DCC: variants seen among roughly 807,000 people sequenced by gnomAD.
DCC encodes DCC netrin 1 receptor.
Under a neutral mutation model 172.5 loss-of-function variants are expected in DCC, and 58 were observed. The ratio of observed to expected loss-of-function variants is 0.34; its 90% confidence interval spans 0.27 to 0.42. The LOEUF is 0.42. Ranked by LOEUF, DCC falls within the 10% of genes least tolerant of loss-of-function variation. The pLI, the probability that DCC is intolerant of heterozygous loss-of-function variation, is 1.00. For synonymous variants in DCC, 709 were observed against 644.5 expected (o/e 1.10, Z -1.52); for missense variants, 1,740 against 1,791.0 (o/e 0.97, Z 0.51).
At chr18:52,463,751 A>G (rs1367648722) in intron 1 of DCC, among the ~76,000 whole-genome samples, 1 of 152,178 alleles carries the variant, frequency 6.6e-6, no homozygotes, top group African/African-American at 2.4e-5. Context: ...ATATAACAAA[A>G]ACAGAGGAAG....
chr18:53,350,269 C>T (rs1020064870), intron 15 of DCC, among the ~76,000 whole-genome samples: 11 of 152,120 alleles, frequency 7.2e-5, no homozygotes, highest in South Asian at 2.1e-4. Context: ...AAAGATGTAT[C>T]GGGAATTAAG....
chr18:52,644,501 C>A (rs2034972379), intron 1 of DCC, among the ~76,000 whole-genome samples: 1 of 150,668 alleles, frequency 6.6e-6, no homozygotes, highest in Admixed American at 6.6e-5. Flanking sequence ...ATGGCATGAA[C>A]CTGGGAGGCG....
In DCC at chr18:52,820,918, G is replaced by A. The variant is rs553623740; in HGVS notation, c.412+68544G>A. 9.4e-4 allele frequency among the ~76,000 whole-genome samples: 143 copies of A among 152,168 alleles called. 1 individual carries two copies. The highest frequency in any genetic ancestry group is 3.4e-3 in the African/African-American group (140 of 41,512). On this transcript the variant is annotated intron_variant, in intron 2 of 28. Coordinates refer to ENST00000442544, the MANE Select transcript of DCC (RefSeq NM_005215.4). ...GAACAGCCTATTCTCCACCTTCCCT[G>A]AACTCTGAACAGCTGAACTCACCTG...
intron 1 of DCC, among the ~76,000 whole-genome samples, chr18:52,720,997 T>C (rs1329864608): frequency 6.6e-6 from 1 of 152,158 alleles, no homozygotes; most frequent in African/African-American, 2.4e-5. Context: ...GGATACCTAG[T>C]GTTACGTGCG....
At chr18:53,530,460 C>T (rs1451322029) in intron 28 of DCC, 104 bp from the exon 29 acceptor site, 4 of 774,616 alleles carry the variant, frequency 5.2e-6, no homozygotes, top group Non-Finnish European at 9.5e-6. Flanking sequence ...TCTCCTAGGT[C>T]AGACTTGGGA....
chr18:52,547,147 C>T (rs10153433), intron 1 of DCC, among the ~76,000 whole-genome samples: 54,095 of 152,076 alleles, frequency 0.36, 10,158 homozygotes, highest in Non-Finnish European at 0.42. Context: ...TTTATGCTGA[C>T]GTGACTATAA....
intron 7 of DCC, among the ~76,000 whole-genome samples, chr18:53,120,350 A>T (rs549254249): frequency 6.6e-6 from 1 of 151,852 alleles, no homozygotes; most frequent in East Asian, 1.9e-4. Flanking sequence ...TGTTATTTTT[A>T]TTTGGCATAG....
chr18:53,094,026 G>T (rs1377819529), intron 7 of DCC, among the ~76,000 whole-genome samples: 1 of 152,152 alleles, frequency 6.6e-6, no homozygotes, highest in Non-Finnish European at 1.5e-5. Context: ...GTCACCCACA[G>T]AATTATAAAT....
intron 5 of DCC, among the ~76,000 whole-genome samples, chr18:52,993,719 C>T (rs1164092366): frequency 6.6e-6 from 1 of 152,048 alleles, no homozygotes; most frequent in Non-Finnish European, 1.5e-5. Context: ...TTCCTGGGTG[C>T]ATATTTCTGC....
rs113946338 is a variant in DCC, at chr18:52,654,181, G to A, written c.92-97873G>A. ...ATTAATTCTTGCTAATGAAGCCCTT[G>A]ATAGGTATTGTGGCCTGGAGAAACA... On this transcript the variant is annotated intron_variant, in intron 1 of 28. Coordinates refer to ENST00000442544, the MANE Select transcript of DCC (RefSeq NM_005215.4). Among the ~76,000 whole-genome samples, 120 of 152,254 alleles carry A rather than the reference G, an allele frequency of 7.9e-4. 1 individual carries two copies. Among genetic ancestry groups the A allele is most frequent in the African/African-American group, 2.8e-3 (115 of 41,556 alleles).
intron 24 of DCC, among the ~76,000 whole-genome samples, chr18:53,464,353 A>C (rs1323984875): frequency 1.3e-5 from 2 of 152,226 alleles, no homozygotes; most frequent in East Asian, 1.9e-4. Context: ...AATAACATCT[A>C]TAAAAGAGCT....
At chr18:52,925,820 T>G (rs577677544) in intron 5 of DCC, among the ~76,000 whole-genome samples, 1 of 151,762 alleles carries the variant, frequency 6.6e-6, no homozygotes, top group East Asian at 1.9e-4. Context: ...ATACTGTGAG[T>G]GTTGAAAGTG....
chr18:52,633,769 A>G (rs548694386), intron 1 of DCC, among the ~76,000 whole-genome samples: 1 of 152,332 alleles, frequency 6.6e-6, no homozygotes, highest in Admixed American at 6.5e-5. Flanking sequence ...ACACTGTAAC[A>G]GAGACAGGAG....
chr18:53,089,140 C>T (rs2042964938), intron 7 of DCC, among the ~76,000 whole-genome samples: 1 of 152,126 alleles, frequency 6.6e-6, no homozygotes, highest in Admixed American at 6.5e-5. Flanking sequence ...GGCTGGAGTG[C>T]AGTGGTGTGA....
At position 52,741,588 on chromosome 18, in the gene DCC, C is replaced by A. The variant is rs117023544; in HGVS notation, c.92-10466C>A. ...GATGAAATTGTTCCTCCATTGACAA[C>A]TACTACTTTAAAACATAAATTGGAC... On this transcript the variant is annotated intron_variant, in intron 1 of 28. Coordinates refer to ENST00000442544, the MANE Select transcript of DCC (RefSeq NM_005215.4). Among the ~76,000 whole-genome samples, 18 of 152,282 alleles carry A rather than the reference C, an allele frequency of 1.2e-4. No individual in the cohort carries two copies. In the East Asian group the frequency reaches 3.3e-3, roughly 28 times the overall value.
At chr18:53,138,885 T>C (rs1171910180) in intron 7 of DCC, among the ~76,000 whole-genome samples, 1 of 152,182 alleles carries the variant, frequency 6.6e-6, no homozygotes, top group Non-Finnish European at 1.5e-5. Context: ...TATACAATAC[T>C]TAGCACGCAA....
intron 28 of DCC, 90 bp from the exon 29 acceptor site, chr18:53,530,474 C>T (rs760723297): frequency 3.6e-5 from 29 of 803,380 alleles, no homozygotes; most frequent in Non-Finnish European, 5.4e-5. Context: ...CTTGGGAATA[C>T]GTAGCACCCC....
At chr18:52,800,867 C>A (rs186924291) in intron 2 of DCC, among the ~76,000 whole-genome samples, 1 of 152,286 alleles carries the variant, frequency 6.6e-6, no homozygotes, top group African/African-American at 2.4e-5. Context: ...TCATAATTCA[C>A]TGGGTAATTC....
intron 27 of DCC, among the ~76,000 whole-genome samples, chr18:53,509,024 A>G (rs1387353004): frequency 3.3e-5 from 5 of 152,128 alleles, no homozygotes; most frequent in Non-Finnish European, 4.4e-5. Context: ...TCTCTCTCAT[A>G]AATACTGCAT....
Sources: gnomAD v4.1 joint callset for allele counts (sites outside exome capture counted in the v4.1 genomes callset) on GRCh38, gnomAD v4.1.1 for gene constraint, MANE v1.5 for transcripts, NCBI Gene and HGNC (gene_info 2026-07-23, HGNC 2026-07-21) for gene names.